MGAT4A: variants seen among roughly 807,000 people sequenced by gnomAD.
The protein encoded by MGAT4A is alpha-1,3-mannosyl-glycoprotein 4-beta-N-acetylglucosaminyltransferase A, also known as N-acetylglucosaminyltransferase IVa.
A neutral mutation model predicts 74.1 loss-of-function variants in MGAT4A; 33 were observed. The observed-to-expected ratio is 0.45, with a 90% confidence interval of 0.34 to 0.60. MGAT4A has a LOEUF of 0.60. Ranked by LOEUF, MGAT4A falls within the 20% of genes least tolerant of loss-of-function variation. The probability of loss-of-function intolerance (pLI) is 0.02; values close to 1 mark genes in which losing one functional copy is unlikely to be tolerated. For synonymous variants in MGAT4A, 198 were observed against 210.4 expected, an observed-to-expected ratio of 0.94 and a Z score of 0.51; for missense variants, 479 against 628.3, an observed-to-expected ratio of 0.76 and a Z score of 2.54.
chr2:98,633,095 G>A lies in MGAT4A; in HGVS notation c.1468+2127C>T, dbSNP rs543421045. ...TCTTGGCTGGCTTCTGCTACTGACT[G>A]GACTGGGGCAGTGAGCTAGGACATC... On this transcript the variant is annotated intron_variant, in intron 14 of 15. Coordinates refer to ENST00000393487, the MANE Select transcript of MGAT4A (RefSeq NM_012214.3). Among the ~76,000 whole-genome samples, 194 of 152,310 alleles carry A rather than the reference G, an allele frequency of 1.3e-3. 1 individual carries two copies. Among genetic ancestry groups the A allele is most frequent in the African/African-American group, 4.6e-3 (190 of 41,566 alleles).
At chr2:98,648,689 T>C in intron 8 of MGAT4A, among the ~76,000 whole-genome samples, 1 of 149,018 alleles carries the variant, frequency 6.7e-6, no homozygotes. Context: ...ACCACTGCAC[T>C]CCAGCCTTGG....
At chr2:98,649,752 G>A (rs1253480028) in intron 8 of MGAT4A, among the ~76,000 whole-genome samples, 1 of 152,018 alleles carries the variant, frequency 6.6e-6, no homozygotes, top group East Asian at 1.9e-4. Context: ...AGGCTCAAAG[G>A]GCTCCAGAGT....
intron 2 of MGAT4A, among the ~76,000 whole-genome samples, chr2:98,701,252 T>C (rs568235485): frequency 6.0e-4 from 92 of 152,238 alleles, no homozygotes; most frequent in Non-Finnish European, 1.2e-3. Context: ...GATTTCATCC[T>C]ATTAGGTAAG....
chr2:98,628,895 C>T (rs972782356), intron 14 of MGAT4A, among the ~76,000 whole-genome samples: 6 of 152,272 alleles, frequency 3.9e-5, no homozygotes, highest in Non-Finnish European at 7.4e-5. Flanking sequence ...AGCATGACCT[C>T]GATCTCTCCT....
chr2:98,629,778 T>C (rs1304067883), intron 14 of MGAT4A, among the ~76,000 whole-genome samples: 1 of 152,194 alleles, frequency 6.6e-6, no homozygotes, highest in African/African-American at 2.4e-5. Context: ...CCACAGTCGC[T>C]CACACCTGTA....
intron 2 of MGAT4A, among the ~76,000 whole-genome samples, chr2:98,707,819 C>T (rs574502662): frequency 9.2e-5 from 14 of 152,286 alleles, no homozygotes; most frequent in Non-Finnish European, 1.5e-4. Context: ...TCCTACCATT[C>T]CAGAGCAAGG....
chr2:98,685,153 C>T (rs751426270), intron 2 of MGAT4A, among the ~76,000 whole-genome samples: 1 of 151,760 alleles, frequency 6.6e-6, no homozygotes, highest in Non-Finnish European at 1.5e-5. Flanking sequence ...TGGGAGGATC[C>T]CTTGAGCCCA....
At chr2:98,632,150 G>C (rs1389501595) in intron 14 of MGAT4A, among the ~76,000 whole-genome samples, 1 of 150,896 alleles carries the variant, frequency 6.6e-6, no homozygotes, top group Non-Finnish European at 1.5e-5. Context: ...AAAGGCAGGG[G>C]GTCTAATTGA....
chr2:98,675,581 C>T (rs978299514), intron 3 of MGAT4A, among the ~76,000 whole-genome samples: 3 of 150,354 alleles, frequency 2.0e-5, no homozygotes, highest in Admixed American at 6.6e-5. Flanking sequence ...GGGTCTTGCT[C>T]TGTAGCCCAG....
chr2:98,689,684 G>A (rs13390230), intron 2 of MGAT4A, among the ~76,000 whole-genome samples: 7,032 of 152,094 alleles, frequency 0.046, 375 homozygotes, highest in African/African-American at 0.11. Context: ...TTAGCCAGGC[G>A]TGGTGGCAGA....
At chr2:98,688,778 T>G (rs916887086) in intron 2 of MGAT4A, among the ~76,000 whole-genome samples, 22 of 152,140 alleles carry the variant, frequency 1.4e-4, no homozygotes, top group Non-Finnish European at 1.0e-4. Flanking sequence ...GTGTATCCTT[T>G]TGAGAGCCCA....
rs1431842666 is a variant in MGAT4A, at chr2:98,625,272, T to C, written c.*294A>G. The C allele has an allele frequency of 2.0e-6, 2 of 1,010,850 alleles. No homozygotes were observed. The highest frequency in any genetic ancestry group is 3.4e-5 in the African/African-American group (2 of 58,498). The allele number at this position is 1,010,850 out of a possible 1,614,324, so 62.6% of individuals were successfully genotyped here. On this transcript the variant is annotated 3_prime_UTR_variant, in exon 16 of 16. Transcript: ENST00000393487. ...ATTAGTTTTTCTCAAATTTAAAGAA[T>C]GTAACAATATGTACAACTCTTATGT...
At chr2:98,713,784 A>G (rs537920419) in intron 2 of MGAT4A, among the ~76,000 whole-genome samples, 245 of 152,354 alleles carry the variant, frequency 1.6e-3, no homozygotes, top group African/African-American at 5.5e-3. Flanking sequence ...CATATCCAAA[A>G]TGTAAATAAT....
At chr2:98,685,814 G>A (rs957386255) in intron 2 of MGAT4A, among the ~76,000 whole-genome samples, 2 of 152,140 alleles carry the variant, frequency 1.3e-5, no homozygotes, top group South Asian at 4.1e-4. Context: ...CTGAGGTGGG[G>A]CCCAAGAATT....
intron 6 of MGAT4A, among the ~76,000 whole-genome samples, chr2:98,656,945 G>A (rs1204259263): frequency 1.3e-5 from 2 of 152,176 alleles, no homozygotes; most frequent in African/African-American, 4.8e-5. Flanking sequence ...TTTCTCAACT[G>A]GGGGTGATTC....
rs1034857103 is a variant in MGAT4A, at chr2:98,619,999, T to C, written c.*5567A>G. The C allele has an allele frequency of 1.3e-5, 2 of 152,188 alleles. No individual in the cohort carries two copies. Among genetic ancestry groups the C allele is most frequent in the African/African-American group, 4.8e-5 (2 of 41,436 alleles). 9.4% of individuals were successfully genotyped at this position (152,188 alleles called of 1,614,324 possible). A position where few individuals can be genotyped will look rare whatever the true frequency, so the allele number is the denominator to read the frequency against. On this transcript the variant is annotated 3_prime_UTR_variant, in exon 16 of 16. Coordinates refer to ENST00000393487, the MANE Select transcript of MGAT4A (RefSeq NM_012214.3). The stretch of plus-strand genomic sequence containing the variant: ...GCTCAGTTTACTTTCTTGAATGAGG[T>C]CTTCTAAATTCTCAGCTCAGATGCA...
At chr2:98,658,063 T>C (rs941704923) in intron 6 of MGAT4A, among the ~76,000 whole-genome samples, 155 bp downstream of exon 6, 14 of 152,166 alleles carry the variant, frequency 9.2e-5, no homozygotes, top group Non-Finnish European at 2.9e-5. Flanking sequence ...ATGCACCTAC[T>C]TTGGGACAAT....
intron 4 of MGAT4A, among the ~76,000 whole-genome samples, chr2:98,665,956 A>G (rs1701823312): frequency 6.6e-6 from 1 of 152,280 alleles, no homozygotes; most frequent in South Asian, 2.1e-4. Flanking sequence ...CAGGGGTCAC[A>G]TTGCATATAA....
chr2:98,730,328 G>A (rs907512122), intron 1 of MGAT4A: 16 of 152,404 alleles, frequency 1.0e-4, no homozygotes, highest in Admixed American at 3.3e-4. Flanking sequence ...CCTCCGAGAT[G>A]TCACCTGGCA....
Sources: allele counts gnomAD v4.1 joint callset (sites outside exome capture counted in the v4.1 genomes callset), GRCh38; gene constraint gnomAD v4.1.1; transcripts MANE v1.5; gene names NCBI Gene and HGNC (gene_info 2026-07-23, HGNC 2026-07-21).